The following PARN variants were observed in gnomAD, a reference collection of about 807,000 sequenced individuals.
The protein encoded by PARN is poly(A)-specific ribonuclease PARN.
PARN carries 71 observed loss-of-function variants against 102.8 expected under a neutral mutation model. That is an observed-to-expected ratio of 0.69 (90% CI 0.57 to 0.84). PARN has a LOEUF of 0.84. Among genes scored for constraint, PARN ranks in the 40% least tolerant of loss-of-function variants. PARN has a pLI of 0.00. For missense variants in PARN, 782 were observed against 760.9 expected, an observed-to-expected ratio of 1.03 and a Z score of -0.33; for synonymous variants, 261 against 252.9, an observed-to-expected ratio of 1.03 and a Z score of -0.30.
In PARN at chr16:14,475,322, T is replaced by C. The variant is rs8057089; in HGVS notation, c.1670+7316A>G. ...AGTTGCGAGTGTTGGTGTTGGCTTATGGGGACTGAGTACCTATTAGTGAGA... is the reference window on the plus strand; with the variant it reads ...AGTTGCGAGTGTTGGTGTTGGCTTACGGGGACTGAGTACCTATTAGTGAGA... On this transcript the variant is annotated intron_variant, in intron 22 of 23. Transcript: ENST00000437198. Among the ~76,000 whole-genome samples the C allele has an allele frequency of 8.5e-3, 1,292 of 152,336 alleles. 21 individuals carry two copies. Among genetic ancestry groups the C allele is most frequent in the African/African-American group, 0.029 (1,212 of 41,566 alleles).
At chr16:14,621,806 C>CAA (rs1346479153) in intron 5 of PARN, among the ~76,000 whole-genome samples, 23 of 58,258 alleles carry the variant, frequency 3.9e-4, no homozygotes, top group Admixed American at 5.5e-4. Flanking sequence ...GGCTTCGTCT[C>CAA]AAAAAAAAAA....
At chr16:14,452,990 A>C (rs1202514986) in intron 22 of PARN, among the ~76,000 whole-genome samples, 3 of 152,242 alleles carry the variant, frequency 2.0e-5, no homozygotes, top group Non-Finnish European at 2.9e-5. Context: ...GCGTGTGTGT[A>C]GCACTCTCAA....
chr16:14,584,342 C>A lies in PARN; in HGVS notation c.1081+5G>T, dbSNP rs1333301228. On this transcript the variant is annotated splice_donor_5th_base_variant and intron_variant, in intron 16 of 23. Coordinates refer to ENST00000437198, the MANE Select transcript of PARN (RefSeq NM_002582.4). ...TTTGGAGGGTTTCCGGTTTAATATT[C>A]TTACCAACTTTAGGAGGGTTGAAAG... The A allele has an allele frequency of 1.3e-6, 2 of 1,598,912 alleles. No homozygotes were observed. The highest frequency in any genetic ancestry group is 8.6e-7 in the Non-Finnish European group (1 of 1,166,444).
intron 21 of PARN, among the ~76,000 whole-genome samples, chr16:14,534,512 T>C (rs913697275): frequency 3.3e-5 from 5 of 152,206 alleles, no homozygotes; most frequent in Non-Finnish European, 2.9e-5. Flanking sequence ...GACAATTATT[T>C]AAATTAGTGA....
At chr16:14,530,967 T>G (rs981522335) in intron 21 of PARN, among the ~76,000 whole-genome samples, 1 of 149,806 alleles carries the variant, frequency 6.7e-6, no homozygotes, top group Non-Finnish European at 1.5e-5. Flanking sequence ...ATGCATGCAT[T>G]CATTCATTCA....
chr16:14,546,747 A>C (rs1596633832), intron 21 of PARN, among the ~76,000 whole-genome samples: 1 of 152,230 alleles, frequency 6.6e-6, no homozygotes, highest in Non-Finnish European at 1.5e-5. Context: ...CCATTTAATA[A>C]AACTACATTA....
chr16:14,576,036 C>T (rs997102934), intron 18 of PARN: 3 of 153,422 alleles, frequency 2.0e-5, no homozygotes, highest in Non-Finnish European at 4.3e-5. Context: ...GACTGTGAGG[C>T]CTCCCCAGCC....
chr16:14,492,753 T>C (rs1964126257), intron 21 of PARN, among the ~76,000 whole-genome samples: 1 of 152,206 alleles, frequency 6.6e-6, no homozygotes, highest in African/African-American at 2.4e-5. Context: ...TGGTGATGTT[T>C]AATTATTTAA....
chr16:14,545,030 A>G (rs565459459), intron 21 of PARN, among the ~76,000 whole-genome samples: 208 of 152,218 alleles, frequency 1.4e-3, no homozygotes, highest in Non-Finnish European at 2.5e-3. Flanking sequence ...CTACCAAAAA[A>G]TACAAAAATT....
chr16:14,610,097 T>C (rs1449213362), intron 7 of PARN, among the ~76,000 whole-genome samples: 2 of 152,216 alleles, frequency 1.3e-5, no homozygotes, highest in African/African-American at 4.8e-5. Context: ...GACCACGTAC[T>C]GAAATCTCTT....
chr16:14,482,806 G>T lies in PARN; in HGVS notation c.1502C>A (p.Ala501Glu), dbSNP rs772982109. Residue 501 changes from alanine to glutamate, a missense_variant, in exon 22 of 24, where the codon GCA (alanine) becomes GAA (glutamate). By Grantham distance (107) the Ala-to-Glu change is moderately radical. Coordinates refer to ENST00000437198, the MANE Select transcript of PARN (RefSeq NM_002582.4). Reference protein sequence around the residue: ...VKIAVNTSKYAESYRIQTYAE... With the variant: ...VKIAVNTSKYEESYRIQTYAE... Reference sequence around the variant, plus strand: ...ATAGGTTTGGATCCGATAGCTTTCTGCATATTTGCTGGTATTGACAGCTAC... The same window carrying T: ...ATAGGTTTGGATCCGATAGCTTTCTTCATATTTGCTGGTATTGACAGCTAC... 6.2e-7 allele frequency: 1 copy of T among 1,610,492 alleles called. No homozygotes were observed. The highest frequency in any genetic ancestry group is 1.3e-5 in the African/African-American group (1 of 74,660).
intron 22 of PARN, among the ~76,000 whole-genome samples, chr16:14,454,203 C>T (rs547711832): frequency 6.6e-6 from 1 of 152,014 alleles, no homozygotes; most frequent in Non-Finnish European, 1.5e-5. Context: ...ATTTTTGGCC[C>T]GGCATGATGG....
intron 23 of PARN, among the ~76,000 whole-genome samples, chr16:14,439,877 T>A (rs1567280307): frequency 6.6e-6 from 1 of 152,072 alleles, no homozygotes; most frequent in Non-Finnish European, 1.5e-5. Context: ...TAGCTGGGCG[T>A]GGTGGCAGGC....
At chr16:14,602,660 G>A (rs545982711) in intron 11 of PARN, among the ~76,000 whole-genome samples, 131 of 152,234 alleles carry the variant, frequency 8.6e-4, no homozygotes, top group Non-Finnish European at 1.5e-3. Context: ...CTGCGTCTTG[G>A]CACAACACAT....
chr16:14,528,969 T>A (rs1274227173), intron 21 of PARN, among the ~76,000 whole-genome samples: 3 of 152,336 alleles, frequency 2.0e-5, no homozygotes, highest in Non-Finnish European at 4.4e-5. Context: ...AAACATTTTC[T>A]CTTTACAGAA....
At chr16:14,446,787 C>T (rs1446337419) in intron 23 of PARN, 101 bp downstream of exon 23, 2 of 772,672 alleles carry the variant, frequency 2.6e-6, no homozygotes, top group African/African-American at 3.5e-5. Context: ...TGGGCTTTGC[C>T]ACCAAGTGAA....
At chr16:14,572,782 T>C (rs1324707136) in intron 18 of PARN, among the ~76,000 whole-genome samples, 1 of 152,240 alleles carries the variant, frequency 6.6e-6, no homozygotes, top group South Asian at 2.1e-4. Context: ...CAATTTTATG[T>C]CCACAAGCTA....
chr16:14,542,181 T>C (rs1368743089), intron 21 of PARN, among the ~76,000 whole-genome samples: 3 of 152,084 alleles, frequency 2.0e-5, no homozygotes, highest in Non-Finnish European at 4.4e-5. Flanking sequence ...ATTTTGTTTA[T>C]TTTTAGTAGA....
chr16:14,607,203 T>TTTTA (rs916974917), intron 9 of PARN, among the ~76,000 whole-genome samples: 2 of 152,100 alleles, frequency 1.3e-5, no homozygotes, highest in East Asian at 1.9e-4. Context: ...AGTCTTTTTA[T>TTTTA]TTTATTTATT....
Sources: gnomAD v4.1 joint callset for allele counts (sites outside exome capture counted in the v4.1 genomes callset) on GRCh38, gnomAD v4.1.1 for gene constraint, MANE v1.5 for transcripts, NCBI Gene and HGNC (gene_info 2026-07-23, HGNC 2026-07-21) for gene names.